The following NOCT variants were observed in gnomAD, a reference collection of about 807,000 sequenced individuals.
NOCT encodes nocturnin.
Under a neutral mutation model 35.0 loss-of-function variants are expected in NOCT, and 18 were observed. The observed-to-expected ratio is 0.51, with a 90% confidence interval of 0.36 to 0.76. NOCT has a LOEUF of 0.76. Among genes scored for constraint, NOCT ranks in the 30% least tolerant of loss-of-function variants. The probability of loss-of-function intolerance (pLI) is 0.01; values close to 1 mark genes in which losing one functional copy is unlikely to be tolerated. For synonymous variants in NOCT, 235 were observed against 226.3 expected (o/e 1.04, Z -0.34); for missense variants, 479 against 541.0 (o/e 0.89, Z 1.14).
chr4:139,042,503 C>G (rs1028550276), intron 1 of NOCT, among the ~76,000 whole-genome samples: 7 of 152,180 alleles, frequency 4.6e-5, no homozygotes, highest in African/African-American at 1.7e-4. Context: ...CAAAGTATTT[C>G]TTCCTTAAAA....
intron 1 of NOCT, among the ~76,000 whole-genome samples, chr4:139,033,600 AG>A (rs1226852621): frequency 3.3e-5 from 5 of 151,892 alleles, no homozygotes; most frequent in Non-Finnish European, 7.4e-5. Flanking sequence ...TGAGTCCAGA[AG>A]TTAGAGGATG....
At chr4:139,028,967 T>C (rs982640702) in intron 1 of NOCT, among the ~76,000 whole-genome samples, 3 of 151,292 alleles carry the variant, frequency 2.0e-5, no homozygotes, top group Non-Finnish European at 2.9e-5. Flanking sequence ...GCCTCCCGAG[T>C]AGCTGAGATT....
At chr4:139,044,449 G>A (rs1403640460) in intron 2 of NOCT, among the ~76,000 whole-genome samples, 190 bp from the exon 3 acceptor site, 1 of 152,158 alleles carries the variant, frequency 6.6e-6, no homozygotes, top group Admixed American at 6.5e-5. Context: ...CAAAAGATCT[G>A]TTGTTTGCTT....
intron 1 of NOCT, among the ~76,000 whole-genome samples, chr4:139,039,026 T>C (rs1388204465): frequency 6.6e-6 from 1 of 152,110 alleles, no homozygotes; most frequent in Non-Finnish European, 1.5e-5. Flanking sequence ...TAACAACACA[T>C]TTTTTAAATG....
At chr4:139,017,208 A>T (rs558023843) in intron 1 of NOCT, among the ~76,000 whole-genome samples, 1 of 150,876 alleles carries the variant, frequency 6.6e-6, no homozygotes, top group South Asian at 2.1e-4. Flanking sequence ...TTTCTTTCAA[A>T]ACTAGGCAAT....
At chr4:139,026,622 C>G (rs1346815250) in intron 1 of NOCT, among the ~76,000 whole-genome samples, 1 of 151,676 alleles carries the variant, frequency 6.6e-6, no homozygotes, top group East Asian at 1.9e-4. Flanking sequence ...ACGATCTCGG[C>G]TCACTGCAAA....
At chr4:139,035,155 G>T (rs1412670960) in intron 1 of NOCT, among the ~76,000 whole-genome samples, 4 of 151,780 alleles carry the variant, frequency 2.6e-5, no homozygotes, top group African/African-American at 9.7e-5. Flanking sequence ...GATAGATAGG[G>T]TCTTGCTGTC....
chr4:139,023,805 T>C (rs1280979532), intron 1 of NOCT, among the ~76,000 whole-genome samples: 4 of 152,180 alleles, frequency 2.6e-5, no homozygotes, highest in Non-Finnish European at 5.9e-5. Context: ...CTCTGAACTT[T>C]TAAAGACCAT....
chr4:139,016,867 C>T (rs140159713), intron 1 of NOCT, among the ~76,000 whole-genome samples: 2 of 151,486 alleles, frequency 1.3e-5, no homozygotes, highest in Admixed American at 6.6e-5. Context: ...TTTGGCCAGG[C>T]TGGTCTTGAA....
chr4:139,021,532 G>T (rs923475517), intron 1 of NOCT, among the ~76,000 whole-genome samples: 3 of 151,986 alleles, frequency 2.0e-5, no homozygotes, highest in African/African-American at 4.8e-5. Flanking sequence ...AAAAAGGGAA[G>T]AAATTTGCAT....
intron 1 of NOCT, among the ~76,000 whole-genome samples, chr4:139,041,380 A>G (rs1726830454): frequency 3.9e-5 from 6 of 152,220 alleles, no homozygotes; most frequent in Non-Finnish European, 7.3e-5. Flanking sequence ...TTTATGTTTT[A>G]TAAAGAAAAC....
chr4:139,025,517 A>C lies in NOCT; in HGVS notation c.190+9346A>C, dbSNP rs549321327. Among the ~76,000 whole-genome samples, 185 of 152,294 alleles carry C rather than the reference A, an allele frequency of 1.2e-3. 1 individual carries two copies. The highest frequency in any genetic ancestry group is 4.3e-3 in the African/African-American group (180 of 41,570). ...CAATGTTATTGATGCATTCTTTAAA[A>C]AATTTTAAAGAGGCCAGGCGCGGTG... On this transcript the variant is annotated intron_variant, in intron 1 of 2. Transcript: ENST00000280614.
Position 139,015,818 on chromosome 4 carries a change from C to G in NOCT, c.-164C>G, listed in dbSNP as rs1726278833. 2.1e-6 allele frequency: 1 copy of G among 487,252 alleles called. No homozygotes were observed. The highest frequency in any genetic ancestry group is 3.1e-6 in the Non-Finnish European group (1 of 318,470). The allele number at this position is 487,252 out of a possible 1,614,324, so 30.2% of individuals were successfully genotyped here. A position where few individuals can be genotyped will look rare whatever the true frequency, so the allele number is the denominator to read the frequency against. On this transcript the variant is annotated 5_prime_UTR_variant, in exon 1 of 3. Transcript: ENST00000280614. The stretch of plus-strand genomic sequence containing the variant: ...CGCAGCGGTGTTGCACCTCCCTCTC[C>G]GGCTCTGCTGCCCGGGATTTCCCCA...
intron 1 of NOCT, among the ~76,000 whole-genome samples, chr4:139,039,445 A>G (rs774715655): frequency 1.1e-4 from 17 of 151,564 alleles, no homozygotes; most frequent in Non-Finnish European, 1.6e-4. Context: ...TCTTTTTTTC[A>G]ATATCTACTT....
chr4:139,025,629 T>G (rs1726498506), intron 1 of NOCT, among the ~76,000 whole-genome samples: 1 of 152,070 alleles, frequency 6.6e-6, no homozygotes, highest in Non-Finnish European at 1.5e-5. Context: ...AGTGAAACCC[T>G]GTCTCTACTA....
At chr4:139,028,835 T>TTTTTG (rs377273006) in intron 1 of NOCT, among the ~76,000 whole-genome samples, 14 of 152,274 alleles carry the variant, frequency 9.2e-5, no homozygotes, top group South Asian at 2.1e-4. Flanking sequence ...TAGCCTTCTC[T>TTTTTG]TTTTGTTTTG....
At chr4:139,023,259 T>G (rs1338508245) in intron 1 of NOCT, among the ~76,000 whole-genome samples, 9 of 151,750 alleles carry the variant, frequency 5.9e-5, no homozygotes, top group African/African-American at 1.9e-4. Flanking sequence ...CTTAAACAGC[T>G]CTGTTTGCCG....
At chr4:139,029,651 C>T (rs1309108791) in intron 1 of NOCT, among the ~76,000 whole-genome samples, 1 of 152,140 alleles carries the variant, frequency 6.6e-6, no homozygotes, top group African/African-American at 2.4e-5. Flanking sequence ...GATGGGGTCT[C>T]ACTACATTGC....
intron 1 of NOCT, among the ~76,000 whole-genome samples, chr4:139,025,711 G>A (rs1578626347): frequency 6.6e-6 from 1 of 151,952 alleles, no homozygotes; most frequent in East Asian, 1.9e-4. Context: ...AGCTGAGGGA[G>A]GAGAATTGCT....
Sources: gnomAD v4.1 joint callset for allele counts (sites outside exome capture counted in the v4.1 genomes callset) on GRCh38, gnomAD v4.1.1 for gene constraint, MANE v1.5 for transcripts, NCBI Gene and HGNC (gene_info 2026-07-23, HGNC 2026-07-21) for gene names.